Variants in EDA observed in about 807,000 individuals in gnomAD.
EDA encodes ectodysplasin-A.
Under a neutral mutation model 23.6 loss-of-function variants are expected in EDA, and 2 were observed. The ratio of observed to expected loss-of-function variants is 0.08; its 90% confidence interval spans 0.03 to 0.27. The LOEUF (loss-of-function observed/expected upper bound fraction) is 0.27. EDA is among the 10% of genes least tolerant of loss of function. The pLI is 1.00. For synonymous variants in EDA, 131 were observed against 132.0 expected, an observed-to-expected ratio of 0.99 and a Z score of 0.05; for missense variants, 229 against 324.2, an observed-to-expected ratio of 0.71 and a Z score of 2.26.
chrX:69,910,829 G>C (rs1392338511), intron 1 of EDA, among the ~76,000 whole-genome samples: 1 of 111,596 alleles, frequency 9.0e-6, no homozygotes, highest in Non-Finnish European at 1.9e-5. Flanking sequence ...ACTTTATGCA[G>C]ATATGTTTTC....
At chrX:69,774,100 A>G (rs963615403) in intron 1 of EDA, among the ~76,000 whole-genome samples, 2 of 111,956 alleles carry the variant, frequency 1.8e-5, no homozygotes, top group Non-Finnish European at 3.8e-5. Context: ...CTCAATGCCT[A>G]GTGAATTATG....
chrX:70,017,291 G>T (rs2019964504), intron 2 of EDA, among the ~76,000 whole-genome samples: 1 of 112,084 alleles, frequency 8.9e-6, no homozygotes, highest in South Asian at 3.7e-4. Flanking sequence ...ACATAGAAGA[G>T]TTGGTACCAT....
At chrX:69,777,679 A>G (rs1409283993) in intron 1 of EDA, among the ~76,000 whole-genome samples, 1 of 111,454 alleles carries the variant, frequency 9.0e-6, no homozygotes, top group Non-Finnish European at 1.9e-5. Context: ...GCTAGACTAC[A>G]TTATTTTACT....
chrX:69,833,652 G>A (rs754534342), intron 1 of EDA, among the ~76,000 whole-genome samples: 5 of 110,855 alleles, frequency 4.5e-5, no homozygotes, highest in African/African-American at 6.6e-5. Context: ...GGTAGAATTC[G>A]GCTGTGATTC....
chrX:69,630,612 T>C (rs1932535376), intron 1 of EDA, among the ~76,000 whole-genome samples: 1 of 112,372 alleles, frequency 8.9e-6, no homozygotes, highest in South Asian at 3.7e-4. Context: ...CACAAATATG[T>C]GTGAAAAATA....
At chrX:69,790,182 A>C (rs1401753987) in intron 1 of EDA, among the ~76,000 whole-genome samples, 1 of 111,090 alleles carries the variant, frequency 9.0e-6, no homozygotes, top group Non-Finnish European at 1.9e-5. Flanking sequence ...TGCCATGAGA[A>C]GACCCCTTAA....
chrX:69,984,087 C>A (rs573735078), intron 2 of EDA, among the ~76,000 whole-genome samples: 2 of 79,717 alleles, frequency 2.5e-5, no homozygotes, highest in Non-Finnish European at 4.7e-5. Flanking sequence ...ACAAAGACAC[C>A]ACATACCAGA....
intron 1 of EDA, among the ~76,000 whole-genome samples, chrX:69,707,661 C>A (rs2011783197): frequency 9.0e-6 from 1 of 111,707 alleles, no homozygotes; most frequent in South Asian, 3.8e-4. Context: ...ACTCTGAGTT[C>A]ACCCATTTCT....
chrX:69,848,984 A>G, intron 1 of EDA, among the ~76,000 whole-genome samples: 1 of 106,514 alleles, frequency 9.4e-6, no homozygotes, highest in Admixed American at 1.0e-4. Context: ...TTAAATGTTA[A>G]AGTGTGATTT....
At chrX:69,748,960 T>C (rs1486960452) in intron 1 of EDA, among the ~76,000 whole-genome samples, 2 of 109,622 alleles carry the variant, frequency 1.8e-5, no homozygotes, top group African/African-American at 6.6e-5. Flanking sequence ...AATTATACTT[T>C]AAGTTTTAGG....
rs1042753764 is a variant in EDA at position 70,036,121 on chromosome X, A to G, written c.*512A>G. Reference sequence around the variant, plus strand: ...AAGGCAGGTGCTTTTGGCAGAGACCATAAGAGAAACCTGCCAAGGAGCATC... The same window carrying G: ...AAGGCAGGTGCTTTTGGCAGAGACCGTAAGAGAAACCTGCCAAGGAGCATC... On this transcript the variant is annotated 3_prime_UTR_variant, in exon 8 of 8. Coordinates refer to ENST00000374552, the MANE Select transcript of EDA (RefSeq NM_001399.5). 5 of 124,744 alleles carry G rather than the reference A, an allele frequency of 4.0e-5. No homozygotes were observed. The highest frequency in any genetic ancestry group is 4.8e-5 in the Non-Finnish European group (3 of 62,040). The allele number at this position is 124,744 out of a possible 1,213,427, so 10.3% of individuals were successfully genotyped here.
chrX:69,828,708 G>A (rs1053123385), intron 1 of EDA, among the ~76,000 whole-genome samples: 2 of 112,063 alleles, frequency 1.8e-5, no homozygotes, highest in African/African-American at 3.2e-5. Flanking sequence ...GTTCCTATTC[G>A]GCCATCTTGG....
rs2018699419 is a variant in EDA at position 69,937,961 on chromosome X, G to A, written c.397-19066G>A. ...GAATTTTCTTCATCTCTTCATCCAC[G>A]TTGCAAGCCCAAACTTCACAAATTC... On this transcript the variant is annotated intron_variant, in intron 1 of 7. Transcript: ENST00000374552. 5.0e-6 allele frequency: 6 copies of A among 1,200,206 alleles called. No individual in the cohort carries two copies. The Admixed American group carries it at 1.1e-4, about 22-fold the overall frequency.
intron 1 of EDA, among the ~76,000 whole-genome samples, chrX:69,701,327 C>T (rs1161129833): frequency 3.6e-5 from 4 of 110,849 alleles, no homozygotes; most frequent in South Asian, 3.9e-4. Flanking sequence ...TGGGGTCCTC[C>T]GCAGAGGGGG....
At chrX:69,820,008 A>G (rs1471997489) in intron 1 of EDA, among the ~76,000 whole-genome samples, 1 of 111,491 alleles carries the variant, frequency 9.0e-6, no homozygotes, top group Non-Finnish European at 1.9e-5. Flanking sequence ...ACAAGGTTAC[A>G]GTAACCAAAA....
chrX:69,691,120 A>C (rs1413333271), intron 1 of EDA, among the ~76,000 whole-genome samples: 1 of 112,011 alleles, frequency 8.9e-6, no homozygotes, highest in African/African-American at 3.2e-5. Flanking sequence ...ATTTGAAGGC[A>C]GCTAGTAACC....
chrX:69,910,565 T>A (rs774367414), intron 1 of EDA, among the ~76,000 whole-genome samples: 1 of 110,624 alleles, frequency 9.0e-6, no homozygotes, highest in Admixed American at 9.8e-5. Context: ...CTTCTAAGAT[T>A]TCAATTACAT....
At chrX:70,008,281 G>A (rs919128639) in intron 2 of EDA, among the ~76,000 whole-genome samples, 2 of 112,082 alleles carry the variant, frequency 1.8e-5, no homozygotes, top group African/African-American at 6.5e-5. Context: ...TAAATATTCT[G>A]AATGTTATAG....
intron 1 of EDA, among the ~76,000 whole-genome samples, chrX:69,881,926 A>T (rs933602234): frequency 5.4e-5 from 6 of 110,182 alleles, no homozygotes; most frequent in African/African-American, 1.7e-4. Context: ...GAACTCACTC[A>T]TTACCACAAG....
Sources: gnomAD v4.1 joint callset for allele counts (sites outside exome capture counted in the v4.1 genomes callset) on GRCh38, gnomAD v4.1.1 for gene constraint, MANE v1.5 for transcripts, NCBI Gene and HGNC (gene_info 2026-07-23, HGNC 2026-07-21) for gene names.